The following WDFY3 variants were observed in gnomAD, a reference collection of about 807,000 sequenced individuals.
WDFY3 encodes WD repeat and FYVE domain containing 3, also known as WD repeat and FYVE domain-containing protein 3.
A neutral mutation model predicts 409.6 loss-of-function variants in WDFY3; 66 were observed. That is an observed-to-expected ratio of 0.16 (90% CI 0.13 to 0.20). The LOEUF is 0.20. Ranked by LOEUF, WDFY3 falls within the 10% of genes least tolerant of loss-of-function variation. The probability of loss-of-function intolerance (pLI) is 1.00; values close to 1 mark genes in which losing one functional copy is unlikely to be tolerated. For missense variants in WDFY3, 3,031 were observed against 4,298.1 expected, an observed-to-expected ratio of 0.71 and a Z score of 8.24; for synonymous variants, 1,521 against 1,537.1, an observed-to-expected ratio of 0.99 and a Z score of 0.25.
rs1728639458 is a variant in WDFY3, at chr4:84,688,152, C to T, written c.9477G>A (p.Leu3159=). ...GCCCTCGAAGCTGGGTTAGAAATGACAGTTTGTTCAAATCCCAAATGATAC... is the reference window on the plus strand; with the variant it reads ...GCCCTCGAAGCTGGGTTAGAAATGATAGTTTGTTCAAATCCCAAATGATAC... ...RTCIIWDLNK[L]SFLTQLRGHR... is the part of the protein sequence containing the mutation. Residue 3159 remains leucine (L), a synonymous_variant, in exon 62 of 68, where the codon CTG becomes CTA. Transcript: ENST00000295888. 1.2e-6 allele frequency: 2 copies of T among 1,614,158 alleles called. No homozygotes were observed. Among genetic ancestry groups the T allele is most frequent in the Non-Finnish European group, 1.7e-6 (2 of 1,180,030 alleles).
intron 32 of WDFY3, among the ~76,000 whole-genome samples, chr4:84,759,463 A>C (rs1464848743): frequency 6.6e-6 from 1 of 151,466 alleles, no homozygotes; most frequent in Non-Finnish European, 1.5e-5. Context: ...ATTTGTTTGT[A>C]TCCTCTTTTA....
intron 2 of WDFY3, among the ~76,000 whole-genome samples, chr4:84,924,126 C>T (rs1769667165): frequency 6.6e-6 from 1 of 152,008 alleles, no homozygotes; most frequent in Non-Finnish European, 1.5e-5. Context: ...TAGGGCACAG[C>T]CCTAAGAGAT....
intron 3 of WDFY3, among the ~76,000 whole-genome samples, chr4:84,884,411 T>G (rs1197926862): frequency 6.6e-6 from 1 of 152,056 alleles, no homozygotes; most frequent in Non-Finnish European, 1.5e-5. Context: ...ACTCTCAGAC[T>G]TCAGAGAAAA....
chr4:84,772,999 A>G, intron 29 of WDFY3, 70 bp from the exon 30 acceptor site: 1 of 1,242,920 alleles, frequency 8.0e-7, no homozygotes, highest in Non-Finnish European at 1.1e-6. Context: ...CAAAGTACAA[A>G]GAAACAAAAT....
chr4:84,768,345 G>C (rs1744051221), intron 30 of WDFY3, among the ~76,000 whole-genome samples: 1 of 152,162 alleles, frequency 6.6e-6, no homozygotes, highest in Admixed American at 6.5e-5. Context: ...TGCCATCTAG[G>C]ACTTTCATAG....
intron 17 of WDFY3, among the ~76,000 whole-genome samples, chr4:84,800,499 T>C (rs1278599172): frequency 6.6e-6 from 1 of 152,186 alleles, no homozygotes; most frequent in African/African-American, 2.4e-5. Context: ...CTGTGGAACA[T>C]TATTCATAAT....
chr4:84,725,806 C>T (rs921676316), intron 45 of WDFY3, among the ~76,000 whole-genome samples: 11 of 151,908 alleles, frequency 7.2e-5, no homozygotes, highest in African/African-American at 2.4e-4. Context: ...AACAAGTGTC[C>T]TTTGGGTGAG....
intron 38 of WDFY3, 75 bp from the exon 39 acceptor site, chr4:84,740,491 T>TACCTAATAA: frequency 7.0e-7 from 1 of 1,422,834 alleles, no homozygotes. Flanking sequence ...TACATGAACT[T>TACCTAATAA]TTATTAGGTC....
At chr4:84,687,193 G>T (rs1191754782) in intron 62 of WDFY3, among the ~76,000 whole-genome samples, 1 of 151,952 alleles carries the variant, frequency 6.6e-6, no homozygotes, top group Non-Finnish European at 1.5e-5. Context: ...GTCCAGGCTG[G>T]AGTGCAGTGG....
rs1578100082 is a variant in WDFY3, at chr4:84,678,216, C to T, written c.10211G>A (p.Arg3404Gln). ...CTCAGCTGGGTGTGCATTGTCCTTTCGATCAAAGGCTGTGTGCATAGTCAG... is the reference window on the plus strand; with the variant it reads ...CTCAGCTGGGTGTGCATTGTCCTTTTGATCAAAGGCTGTGTGCATAGTCAG... ...SKLTMHTAFD[R>Q]KDNAHPAEVT... The change falls in exon 66 of 68, where the codon CGA becomes CAA. Residue 3404 changes from arginine to glutamine, a missense_variant. Coordinates refer to ENST00000295888, the MANE Select transcript of WDFY3 (RefSeq NM_014991.6). 1 of 1,614,014 alleles carries T rather than the reference C, an allele frequency of 6.2e-7. No homozygotes were observed. Among genetic ancestry groups the T allele is most frequent in the Non-Finnish European group, 8.5e-7 (1 of 1,180,002 alleles).
intron 23 of WDFY3, 130 bp downstream of exon 23, chr4:84,787,352 G>T: frequency 3.7e-6 from 3 of 813,470 alleles, no homozygotes; most frequent in Non-Finnish European, 5.8e-6. Flanking sequence ...TGAGTATCCT[G>T]CTGAAGAAGA....
Position 84,798,098 on chromosome 4 carries a change from G to A in WDFY3, c.2833C>T (p.Arg945Cys), listed in dbSNP as rs753129891. The part of the protein sequence containing the change: ...LEPMVLREFL[R>C]LASPLNCGAW... ...CCACAATTTAAAGGACTTGCCAAACGTAAAAACTCCCTAAGAAAGAGACAA... is the reference window on the plus strand; with the variant it reads ...CCACAATTTAAAGGACTTGCCAAACATAAAAACTCCCTAAGAAAGAGACAA... The change falls in exon 18 of 68, where the codon CGT (arginine) becomes TGT (cysteine). Residue 945 changes from arginine (R) to cysteine (C), a missense_variant. Physicochemically the swap from Arg to Cys is radical, Grantham distance 180 (BLOSUM62 -3). This residue lies in a region of WDFY3 where 1,322 missense variants were observed against 1,697.9 expected (regional missense o/e 0.78). Coordinates refer to ENST00000295888, the MANE Select transcript of WDFY3 (RefSeq NM_014991.6). 26 of 1,611,200 alleles carry A rather than the reference G, an allele frequency of 1.6e-5. No homozygotes were observed. The highest frequency in any genetic ancestry group is 2.2e-5 in the East Asian group (1 of 44,716).
At chr4:84,738,286 G>A (rs1336494805) in intron 40 of WDFY3, among the ~76,000 whole-genome samples, 1 of 151,702 alleles carries the variant, frequency 6.6e-6, no homozygotes, top group African/African-American at 2.4e-5. Context: ...GGATTAGTGG[G>A]AAAACCAGAT....
At chr4:84,963,635 T>C (rs1775222789) in intron 1 of WDFY3, among the ~76,000 whole-genome samples, 1 of 152,194 alleles carries the variant, frequency 6.6e-6, no homozygotes, top group Non-Finnish European at 1.5e-5. Context: ...AATCTTATGA[T>C]ATTGTATGCT....
chr4:84,816,787 G>A (rs972671464), intron 13 of WDFY3, among the ~76,000 whole-genome samples: 2 of 152,052 alleles, frequency 1.3e-5, no homozygotes, highest in Non-Finnish European at 2.9e-5. Flanking sequence ...CAATGGTGCT[G>A]TGGAAATAAA....
intron 8 of WDFY3, 62 bp from the exon 9 acceptor site, chr4:84,829,252 A>C: frequency 7.4e-7 from 1 of 1,346,186 alleles, no homozygotes; most frequent in Non-Finnish European, 1.0e-6. Context: ...AAAATTTTTT[A>C]ATTGTTAACT....
chr4:84,729,120 A>G (rs898063284), intron 44 of WDFY3, among the ~76,000 whole-genome samples: 7 of 152,266 alleles, frequency 4.6e-5, no homozygotes, highest in African/African-American at 1.7e-4. Flanking sequence ...ATAGGCAGAC[A>G]AACTCTTCAC....
At chr4:84,926,040 G>A (rs907268279) in intron 2 of WDFY3, among the ~76,000 whole-genome samples, 1 of 150,056 alleles carries the variant, frequency 6.7e-6, no homozygotes, top group African/African-American at 2.4e-5. Flanking sequence ...TCTTTGAAAT[G>A]GAGTCTCTCT....
chr4:84,795,044 T>TA (rs1749148682), intron 19 of WDFY3, 65 bp from the exon 20 acceptor site: 1 of 918,718 alleles, frequency 1.1e-6, no homozygotes, highest in East Asian at 3.0e-5. Context: ...ACTGTGCACT[T>TA]ACCACAGTGA....
Sources: gnomAD v4.1 joint callset for allele counts (sites outside exome capture counted in the v4.1 genomes callset) on GRCh38, gnomAD v4.1.1 for gene constraint, gnomAD v4.1.1 regional missense constraint, MANE v1.5 for transcripts, NCBI Gene and HGNC (gene_info 2026-07-23, HGNC 2026-07-21) for gene names.